The following BAZ1A variants were observed in gnomAD, a reference collection of about 807,000 sequenced individuals.
BAZ1A encodes the protein bromodomain adjacent to zinc finger domain protein 1A.
Under a neutral mutation model 185.2 loss-of-function variants are expected in BAZ1A, and 50 were observed. The observed-to-expected ratio is 0.27, with a 90% confidence interval of 0.22 to 0.34. The LOEUF (loss-of-function observed/expected upper bound fraction) is 0.34, where lower values mean the gene tolerates loss of function less well. Ranked by LOEUF, BAZ1A falls within the 10% of genes least tolerant of loss-of-function variation. The probability of loss-of-function intolerance (pLI) is 1.00; values close to 1 mark genes in which losing one functional copy is unlikely to be tolerated. For synonymous variants in BAZ1A, 571 were observed against 615.6 expected (o/e 0.93, Z 1.07); for missense variants, 1,356 against 1,839.9 (o/e 0.74, Z 4.81).
chr14:34,778,761 G>T (rs372134745), intron 17 of BAZ1A, among the ~76,000 whole-genome samples: 1 of 151,980 alleles, frequency 6.6e-6, no homozygotes, highest in Admixed American at 6.6e-5. Context: ...TATTATGATT[G>T]CCCTCTTTAT....
At chr14:34,802,752 T>C (rs1481043657) in intron 7 of BAZ1A, 102 bp downstream of exon 7, 3 of 1,272,280 alleles carry the variant, frequency 2.4e-6, no homozygotes, top group Non-Finnish European at 3.2e-6. Flanking sequence ...AATGAGTTTC[T>C]TCCTCTAGGC....
intron 3 of BAZ1A, among the ~76,000 whole-genome samples, chr14:34,855,011 G>A (rs1015137179): frequency 2.6e-5 from 4 of 151,936 alleles, no homozygotes; most frequent in Admixed American, 6.6e-5. Flanking sequence ...CCCAGTAGGC[G>A]GAGGTTGCAG....
rs1489122582 is a variant in BAZ1A, at chr14:34,794,805, T to C, written c.1307A>G (p.Asn436Ser). ...AAGATCAAAAAGTTCCCCAAATGCA[T>C]TAAGGAACTCCAAAACCATCAGAGC... The part of the protein sequence containing the change: ...GDALMVLEFL[N>S]AFGELFDLQD... The change falls in exon 11 of 27, where the codon AAT (asparagine) becomes AGT (serine). Residue 436 changes from asparagine to serine, a missense_variant. Physicochemically the swap from Asn to Ser is conservative, Grantham distance 46. Coordinates refer to ENST00000360310, the MANE Select transcript of BAZ1A (RefSeq NM_013448.3). The C allele has an allele frequency of 9.9e-6, 16 of 1,614,112 alleles. No individual in the cohort carries two copies. The highest frequency in any genetic ancestry group is 1.4e-5 in the Non-Finnish European group (16 of 1,180,012).
intron 4 of BAZ1A, among the ~76,000 whole-genome samples, chr14:34,817,692 G>A (rs1013579550): frequency 6.6e-6 from 1 of 152,100 alleles, no homozygotes; most frequent in Non-Finnish European, 1.5e-5. Flanking sequence ...ACTTGAATGG[G>A]TATTTCTGCA....
chr14:34,809,349 C>T (rs2041895560), intron 5 of BAZ1A, among the ~76,000 whole-genome samples: 1 of 152,162 alleles, frequency 6.6e-6, no homozygotes, highest in Non-Finnish European at 1.5e-5. Flanking sequence ...CATTAGTTTA[C>T]ATGGTAGCTA....
rs1886089917 is a variant in BAZ1A at position 34,753,181 on chromosome 14, AAATC to A, written c.*323_*326del. On this transcript the variant is annotated 3_prime_UTR_variant, in exon 27 of 27. Coordinates refer to ENST00000360310, the MANE Select transcript of BAZ1A (RefSeq NM_013448.3). ...CCCTTAATACCACCACTTTAAAAAA[AAATC>A]ATCAATAACAAAATAAATCGTGGGT... 2.6e-5 allele frequency: 6 copies of A among 232,820 alleles called. No homozygotes were observed. Among genetic ancestry groups the A allele is most frequent in the South Asian group, 8.4e-5 (1 of 11,870 alleles). The allele number at this position is 232,820 out of a possible 1,614,324, so 14.4% of individuals were successfully genotyped here. A position where few individuals can be genotyped will look rare whatever the true frequency, so the allele number is the denominator to read the frequency against.
intron 3 of BAZ1A, among the ~76,000 whole-genome samples, chr14:34,827,464 G>C (rs940391856): frequency 6.6e-6 from 1 of 152,130 alleles, no homozygotes; most frequent in Non-Finnish European, 1.5e-5. Flanking sequence ...TGCCGGGCGC[G>C]GTGGCTCACG....
At chr14:34,873,618 C>A (rs2042988057) in intron 2 of BAZ1A, among the ~76,000 whole-genome samples, 1 of 152,128 alleles carries the variant, frequency 6.6e-6, no homozygotes. Flanking sequence ...TTGTCTTAAC[C>A]CCCTCCCCCA....
chr14:34,753,089 TAATTA>T lies in BAZ1A; in HGVS notation c.*414_*418del, dbSNP rs1351195368. The T allele has an allele frequency of 6.4e-6, 1 of 157,030 alleles. No individual in the cohort carries two copies. The highest frequency in any genetic ancestry group is 1.4e-5 in the Non-Finnish European group (1 of 70,910). The allele number at this position is 157,030 out of a possible 1,614,324, so 9.7% of individuals were successfully genotyped here. ...TGTTGAAAGAATGTACTCAAACAAT[TAATTA>T]AGACATAAACACCTTTTCTAAACTG... On this transcript the variant is annotated 3_prime_UTR_variant, in exon 27 of 27. Coordinates refer to ENST00000360310, the MANE Select transcript of BAZ1A (RefSeq NM_013448.3).
rs1298414461 is a variant in BAZ1A at position 34,874,852 on chromosome 14, C to T, written c.-58-190G>A. The T allele has an allele frequency of 1.7e-5, 7 of 410,076 alleles. No individual in the cohort carries two copies. The highest frequency in any genetic ancestry group is 1.5e-4 in the African/African-American group (7 of 46,472). 25.4% of individuals were successfully genotyped at this position (410,076 alleles called of 1,614,324 possible). On this transcript the variant is annotated intron_variant, in intron 1 of 26. Coordinates refer to ENST00000360310, the MANE Select transcript of BAZ1A (RefSeq NM_013448.3). The surrounding 1 kb of genome is among the most constrained non-coding windows in gnomAD (Gnocchi z 4.7). ...GAGCGGAGCCGCCGCCGCCCCTGCC[C>T]CCCGAGCGCGCCCTACCTCCTCTCG...
In BAZ1A at chr14:34,826,094, T is replaced by C. The variant is rs1328927250; in HGVS notation, c.455A>G (p.His152Arg). 2.5e-6 allele frequency: 4 copies of C among 1,612,426 alleles called. No homozygotes were observed. The highest frequency in any genetic ancestry group is 3.3e-4 in the Middle Eastern group (2 of 6,060). Residue 152 changes from histidine (H) to arginine (R), a missense_variant, in exon 4 of 27, where the codon CAT becomes CGT. His to Arg is a conservative substitution (Grantham distance 29, BLOSUM62 0). This residue lies in a region of BAZ1A where 332 missense variants were observed against 395.3 expected (regional missense o/e 0.84). Coordinates refer to ENST00000360310, the MANE Select transcript of BAZ1A (RefSeq NM_013448.3). ...AGTTTCTCCATCCACACTGTTAACATGTCCATTAGCAAAACCATTTTGATG... is the reference window on the plus strand; with the variant it reads ...AGTTTCTCCATCCACACTGTTAACACGTCCATTAGCAAAACCATTTTGATG... ...PSHQNGFANG[H>R]VNSVDGETII...
intron 2 of BAZ1A, among the ~76,000 whole-genome samples, chr14:34,873,572 G>A (rs1232929705): frequency 6.6e-6 from 1 of 151,930 alleles, no homozygotes; most frequent in Non-Finnish European, 1.5e-5. Flanking sequence ...ATGCGCAGGG[G>A]GATAAAGCGG....
rs1417512806 is a variant in BAZ1A, at chr14:34,773,742, AACTT to A, written c.2998-20_2998-17del. On this transcript the variant is annotated splice_polypyrimidine_tract_variant and intron_variant, in intron 19 of 26. Coordinates refer to ENST00000360310, the MANE Select transcript of BAZ1A (RefSeq NM_013448.3). ...GATCTGTAACCTGTAACAAAATTCA[AACTT>A]ACTAACCATGAAAAATGGAATATAT... 3.7e-6 allele frequency: 6 copies of A among 1,612,194 alleles called. No homozygotes were observed. The East Asian group carries it at 8.9e-5, about 24-fold the overall frequency.
intron 2 of BAZ1A, among the ~76,000 whole-genome samples, chr14:34,864,928 C>A (rs1379005920): frequency 6.6e-6 from 1 of 151,934 alleles, no homozygotes. Context: ...AGGCACATGC[C>A]ACCATGCCTG....
intron 13 of BAZ1A, 25 bp downstream of exon 13, chr14:34,786,099 CAA>C (rs536883146): frequency 1.5e-6 from 2 of 1,340,224 alleles, no homozygotes; most frequent in Non-Finnish European, 1.0e-6. Context: ...AAAAGCCAAA[CAA>C]AAAAAAAACA....
intron 3 of BAZ1A, among the ~76,000 whole-genome samples, chr14:34,854,444 T>G (rs1281261762): frequency 6.6e-6 from 1 of 151,860 alleles, no homozygotes. Context: ...AATAAAATGT[T>G]AAAATTACAA....
chr14:34,761,527 G>A (rs911077750), intron 24 of BAZ1A, among the ~76,000 whole-genome samples: 8 of 152,042 alleles, frequency 5.3e-5, no homozygotes, highest in African/African-American at 1.7e-4. Flanking sequence ...AAAACAGAAC[G>A]TCATTTGTAA....
intron 23 of BAZ1A, 56 bp downstream of exon 23, chr14:34,764,651 G>A: frequency 6.5e-7 from 1 of 1,546,758 alleles, no homozygotes; most frequent in Non-Finnish European, 8.7e-7. Context: ...TTTGAATAGT[G>A]GAGAAATTGT....
chr14:34,753,279 C>G lies in BAZ1A; in HGVS notation c.*229G>C, dbSNP rs1886095233. On this transcript the variant is annotated 3_prime_UTR_variant, in exon 27 of 27. Transcript: ENST00000360310. ...AAAATGTACAAAAACCTCTGTAAAC[C>G]AGTACTGTATCCAATACATCTATCA... is the stretch of plus-strand genomic sequence containing the variant. 2 of 455,840 alleles carry G rather than the reference C, an allele frequency of 4.4e-6. No individual in the cohort carries two copies. Among genetic ancestry groups the G allele is most frequent in the South Asian group, 8.1e-5 (2 of 24,720 alleles). The allele number at this position is 455,840 out of a possible 1,614,324, so 28.2% of individuals were successfully genotyped here. A position where few individuals can be genotyped will look rare whatever the true frequency, so the allele number is the denominator to read the frequency against.
Sources: gnomAD v4.1 joint callset for allele counts (sites outside exome capture counted in the v4.1 genomes callset) on GRCh38, gnomAD v4.1.1 for gene constraint, gnomAD v4.1.1 regional missense constraint, Gnocchi (gnomAD v3.1) non-coding constraint, MANE v1.5 for transcripts, NCBI Gene and HGNC (gene_info 2026-07-23, HGNC 2026-07-21) for gene names.